GARRE1: variants seen among roughly 807,000 people sequenced by gnomAD.
GARRE1 encodes the protein granule associated Rac and RHOG effector 1, also known as granule associated Rac and RHOG effector protein 1.
A neutral mutation model predicts 103.2 loss-of-function variants in GARRE1; 49 were observed. The ratio of observed to expected loss-of-function variants is 0.47; its 90% confidence interval spans 0.38 to 0.60. GARRE1 has a LOEUF of 0.60. Among genes scored for constraint, GARRE1 ranks in the 20% least tolerant of loss-of-function variants. GARRE1 has a pLI of 0.00. For missense variants in GARRE1, 1,199 were observed against 1,370.5 expected, an observed-to-expected ratio of 0.87 and a Z score of 1.98; for synonymous variants, 505 against 532.8, an observed-to-expected ratio of 0.95 and a Z score of 0.72.
chr19:34,331,879 T>C (rs1481472835), intron 7 of GARRE1, among the ~76,000 whole-genome samples: 1 of 151,816 alleles, frequency 6.6e-6, no homozygotes, highest in Non-Finnish European at 1.5e-5. Context: ...TAATCCCAGC[T>C]ACTCGAGAGG....
Position 34,300,605 on chromosome 19 carries a change from C to G in GARRE1, c.132C>G (p.Pro44=). 1 of 1,613,518 alleles carries G rather than the reference C, an allele frequency of 6.2e-7. No individual in the cohort carries two copies. The highest frequency in any genetic ancestry group is 1.1e-5 in the South Asian group (1 of 91,084). ...AGCTGGGCCGAGCACTGAGTGCTCC[C>G]CTGGCATCCACGGCCACCACTGCCC... The part of the protein sequence containing the change: ...MPELGRALSA[P]LASTATTAPL... Residue 44 remains proline, a synonymous_variant, in exon 2 of 14, where the codon CCC becomes CCG. Coordinates refer to ENST00000299505, the MANE Select transcript of GARRE1 (RefSeq NM_014686.5).
chr19:34,334,825 G>A (rs895416234), intron 8 of GARRE1, among the ~76,000 whole-genome samples: 7 of 152,166 alleles, frequency 4.6e-5, no homozygotes, highest in Admixed American at 2.0e-4. Context: ...AGGCCGAGGC[G>A]GCCAGATCTC....
intron 1 of GARRE1, among the ~76,000 whole-genome samples, chr19:34,285,728 C>G (rs988316918): frequency 2.0e-5 from 3 of 151,808 alleles, no homozygotes; most frequent in African/African-American, 7.3e-5. Context: ...GATCTCTTGA[C>G]CTCGTGATCC....
chr19:34,319,642 G>A (rs552734404), intron 2 of GARRE1, among the ~76,000 whole-genome samples: 2 of 152,186 alleles, frequency 1.3e-5, no homozygotes, highest in East Asian at 1.9e-4. Flanking sequence ...AGGATTGGGG[G>A]TTACTTGGTG....
At chr19:34,348,075 T>G in intron 11 of GARRE1, 33 bp downstream of exon 11, 2 of 1,388,764 alleles carry the variant, frequency 1.4e-6, no homozygotes, top group South Asian at 1.8e-5. Context: ...AATCTGAGCT[T>G]GAGACCCAGG....
chr19:34,256,870 A>G (rs1259717224), intron 1 of GARRE1, among the ~76,000 whole-genome samples: 1 of 152,014 alleles, frequency 6.6e-6, no homozygotes, highest in Non-Finnish European at 1.5e-5. Flanking sequence ...TACAGGGAAT[A>G]TTTCATGTTT....
In GARRE1 at chr19:34,315,027, A is replaced by T. The variant is rs564661108; in HGVS notation, c.496-4880A>T. 8.5e-5 allele frequency among the ~76,000 whole-genome samples: 13 copies of T among 152,338 alleles called. No homozygotes were observed. In the South Asian group the frequency reaches 2.7e-3, roughly 32 times the overall value. On this transcript the variant is annotated intron_variant, in intron 2 of 13. Transcript: ENST00000299505. The stretch of plus-strand genomic sequence containing the variant: ...TAAGGTATAAATGAGTATTGAAGAG[A>T]AAGAAATGATTGAATGCTTTGGAAT...
intron 1 of GARRE1, among the ~76,000 whole-genome samples, chr19:34,291,298 T>C (rs911091805): frequency 2.6e-5 from 4 of 152,176 alleles, no homozygotes; most frequent in Non-Finnish European, 4.4e-5. Flanking sequence ...CTGATTGATG[T>C]ACAAAAAGGA....
At chr19:34,337,980 T>C (rs1271040663) in intron 8 of GARRE1, among the ~76,000 whole-genome samples, 1 of 152,206 alleles carries the variant, frequency 6.6e-6, no homozygotes, top group Non-Finnish European at 1.5e-5. Context: ...GCCAAGATTC[T>C]CTCTGAGGAG....
intron 1 of GARRE1, among the ~76,000 whole-genome samples, chr19:34,295,955 C>G (rs1412451611): frequency 6.6e-6 from 1 of 152,174 alleles, no homozygotes; most frequent in Non-Finnish European, 1.5e-5. Context: ...GCATCCTGGT[C>G]TAAAATCAGT....
rs535103565 is a variant in GARRE1 at position 34,333,867 on chromosome 19, T to A, written c.1361+66T>A. On this transcript the variant is annotated intron_variant, in intron 8 of 13. Transcript: ENST00000299505. ...TGACGTTTGCACATCTTTGAAATGA[T>A]GGCCTTGTTTTGAACAATGCCCATG... The A allele has an allele frequency of 3.9e-5, 39 of 988,088 alleles. No homozygotes were observed. The East Asian group carries it at 8.1e-4, about 20-fold the overall frequency. The allele number at this position is 988,088 out of a possible 1,614,324, so 61.2% of individuals were successfully genotyped here. A position where few individuals can be genotyped will look rare whatever the true frequency, so the allele number is the denominator to read the frequency against.
At chr19:34,314,629 T>C (rs781440508) in intron 2 of GARRE1, among the ~76,000 whole-genome samples, 7 of 152,212 alleles carry the variant, frequency 4.6e-5, no homozygotes, top group Admixed American at 1.3e-4. Context: ...TTATTAGCAT[T>C]TGGTGTTGGT....
intron 6 of GARRE1, among the ~76,000 whole-genome samples, 174 bp from the exon 7 acceptor site, chr19:34,330,015 G>A (rs991265024): frequency 2.0e-5 from 3 of 152,112 alleles, no homozygotes; most frequent in Non-Finnish European, 4.4e-5. Context: ...AGCCTGAGGG[G>A]TCTAGGCTGC....
At chr19:34,254,741 G>C (rs1018812734) in intron 1 of GARRE1, 127 bp downstream of exon 1, 2 of 147,848 alleles carry the variant, frequency 1.4e-5, no homozygotes, top group Non-Finnish European at 3.0e-5. Context: ...GCGCCGCTCC[G>C]CTCGGGGCCG....
intron 2 of GARRE1, among the ~76,000 whole-genome samples, chr19:34,301,773 C>T (rs187407303): frequency 2.7e-5 from 4 of 150,686 alleles, no homozygotes; most frequent in Non-Finnish European, 5.9e-5. Flanking sequence ...AGGTCCGCCT[C>T]CTGGGTTCAT....
At position 34,336,097 on chromosome 19, in the gene GARRE1, C is replaced by T. The variant is rs546028551; in HGVS notation, c.1361+2296C>T. On this transcript the variant is annotated intron_variant, in intron 8 of 13. Transcript: ENST00000299505. ...CCTTGAACTCCTGGGCTCAAGCAAT[C>T]ATCCCACCCTGGCCTCCCAAGTAGG... is the stretch of plus-strand genomic sequence containing the variant. 1.3e-3 allele frequency among the ~76,000 whole-genome samples: 192 copies of T among 152,156 alleles called. 2 individuals carry two copies. The Middle Eastern group carries it at 0.017, about 13-fold the overall frequency.
At chr19:34,326,843 T>C (rs2074114233) in intron 3 of GARRE1, among the ~76,000 whole-genome samples, 1 of 152,072 alleles carries the variant, frequency 6.6e-6, no homozygotes, top group Non-Finnish European at 1.5e-5. Context: ...AAGTCTTTTT[T>C]CCAGGGTTCC....
At chr19:34,290,461 T>C (rs1170414091) in intron 1 of GARRE1, among the ~76,000 whole-genome samples, 1 of 152,188 alleles carries the variant, frequency 6.6e-6, no homozygotes, top group Non-Finnish European at 1.5e-5. Context: ...CACTTTAGCC[T>C]GCAGTTTGGC....
intron 3 of GARRE1, among the ~76,000 whole-genome samples, chr19:34,323,654 A>T (rs1205613808): frequency 6.6e-6 from 1 of 152,070 alleles, no homozygotes; most frequent in Non-Finnish European, 1.5e-5. Context: ...TTGCCTTGTC[A>T]TGTGACTTTA....
Sources: gnomAD v4.1 joint callset for allele counts (sites outside exome capture counted in the v4.1 genomes callset) on GRCh38, gnomAD v4.1.1 for gene constraint, MANE v1.5 for transcripts, NCBI Gene and HGNC (gene_info 2026-07-23, HGNC 2026-07-21) for gene names.